Variants in IFT81 observed in about 807,000 individuals in gnomAD.
IFT81 encodes the protein intraflagellar transport protein 81 homolog.
A neutral mutation model predicts 102.6 loss-of-function variants in IFT81; 72 were observed. That is an observed-to-expected ratio of 0.70 (90% CI 0.58 to 0.85). The LOEUF (loss-of-function observed/expected upper bound fraction) is 0.85. Ranked by LOEUF, IFT81 falls within the 40% of genes least tolerant of loss-of-function variation. The probability of loss-of-function intolerance (pLI) is 0.00; values close to 1 mark genes in which losing one functional copy is unlikely to be tolerated. For missense variants in IFT81, 723 were observed against 787.3 expected (o/e 0.92, Z 0.98); for synonymous variants, 237 against 242.7 (o/e 0.98, Z 0.22).
intron 10 of IFT81, among the ~76,000 whole-genome samples, chr12:110,153,019 A>G (rs1593305606): frequency 1.3e-5 from 2 of 152,226 alleles, no homozygotes; most frequent in African/African-American, 2.4e-5. Context: ...ATGAAGTCCA[A>G]TTTGTCTAAT....
chr12:110,149,284 A>C (rs1895389402), intron 10 of IFT81, among the ~76,000 whole-genome samples: 1 of 152,198 alleles, frequency 6.6e-6, no homozygotes, highest in Non-Finnish European at 1.5e-5. Context: ...GGCATGTGAC[A>C]GGGGGAGTGG....
At chr12:110,196,584 A>G (rs1000288684) in intron 14 of IFT81, among the ~76,000 whole-genome samples, 2 of 152,170 alleles carry the variant, frequency 1.3e-5, no homozygotes, top group African/African-American at 4.8e-5. Flanking sequence ...GGGTAATAGC[A>G]CATGCTTATA....
chr12:110,175,834 A>G (rs891817927), intron 11 of IFT81, among the ~76,000 whole-genome samples: 1 of 151,790 alleles, frequency 6.6e-6, no homozygotes, highest in Admixed American at 6.6e-5. Flanking sequence ...ATTTATTTTT[A>G]GACAGAGTCT....
intron 10 of IFT81, among the ~76,000 whole-genome samples, chr12:110,154,523 C>T (rs987970391): frequency 2.0e-5 from 3 of 148,678 alleles, no homozygotes; most frequent in Admixed American, 6.8e-5. Flanking sequence ...CCCAGCTACT[C>T]GGGAGGCTGA....
chr12:110,192,519 C>G, intron 13 of IFT81, 98 bp from the exon 14 acceptor site: 1 of 638,732 alleles, frequency 1.6e-6, no homozygotes, highest in Admixed American at 3.0e-5. Flanking sequence ...CAGTTTTTTG[C>G]TCTTACATTT....
chr12:110,203,875 G>A lies in IFT81; in HGVS notation c.1569G>A (p.Gln523=). 1 of 1,612,102 alleles carries A rather than the reference G, an allele frequency of 6.2e-7. No homozygotes were observed. Among genetic ancestry groups the A allele is most frequent in the Non-Finnish European group, 8.5e-7 (1 of 1,178,200 alleles). The change falls in exon 15 of 19, where the codon CAG becomes CAA. Residue 523 remains glutamine, a synonymous_variant. Transcript: ENST00000242591. ...CCTTTTTATACTAGGAACTGACCCAGGAGTGTGATGAAAAGAAATCCCAGT... is the reference window on the plus strand; with the variant it reads ...CCTTTTTATACTAGGAACTGACCCAAGAGTGTGATGAAAAGAAATCCCAGT... The part of the protein sequence containing the change: ...QLRQKYQELT[Q]ECDEKKSQYD...
At chr12:110,132,694 G>A (rs371073828) in intron 5 of IFT81, 58 bp downstream of exon 5, 16 of 886,482 alleles carry the variant, frequency 1.8e-5, no homozygotes, top group South Asian at 2.9e-5. Flanking sequence ...ATTGGATTTA[G>A]CATTTTATTA....
At chr12:110,183,826 T>C (rs2137527007) in intron 12 of IFT81, among the ~76,000 whole-genome samples, 1 of 152,222 alleles carries the variant, frequency 6.6e-6, no homozygotes, top group South Asian at 2.1e-4. Context: ...CTCAAGTGGG[T>C]CTATCCAGAT....
intron 10 of IFT81, among the ~76,000 whole-genome samples, chr12:110,155,471 C>T (rs950615846): frequency 6.6e-6 from 1 of 152,010 alleles, no homozygotes; most frequent in African/African-American, 2.4e-5. Context: ...CCACCATGCC[C>T]AACTAATTTT....
intron 13 of IFT81, 70 bp from the exon 14 acceptor site, chr12:110,192,547 C>G (rs989634610): frequency 2.5e-6 from 2 of 789,908 alleles, no homozygotes; most frequent in African/African-American, 3.5e-5. Flanking sequence ...AAATTAATAT[C>G]TTTATGCATG....
At chr12:110,181,042 C>T (rs1442050161) in intron 12 of IFT81, among the ~76,000 whole-genome samples, 1 of 152,106 alleles carries the variant, frequency 6.6e-6, no homozygotes, top group Non-Finnish European at 1.5e-5. Flanking sequence ...AGTAGTCCCA[C>T]AGCAAAGTTG....
chr12:110,207,720 G>A (rs1008180946), intron 17 of IFT81, among the ~76,000 whole-genome samples: 20 of 151,612 alleles, frequency 1.3e-4, no homozygotes, highest in Admixed American at 2.6e-4. Flanking sequence ...CCGCCACCAC[G>A]CCTGGCTAAA....
chr12:110,142,495 G>A (rs1894952625), intron 8 of IFT81, among the ~76,000 whole-genome samples: 1 of 152,004 alleles, frequency 6.6e-6, no homozygotes, highest in African/African-American at 2.4e-5. Context: ...TTTAACTTGT[G>A]GTGCTTTTAG....
intron 11 of IFT81, among the ~76,000 whole-genome samples, chr12:110,172,713 C>T (rs1896800883): frequency 6.6e-6 from 1 of 152,138 alleles, no homozygotes; most frequent in Admixed American, 6.5e-5. Context: ...GGCTGGAGTG[C>T]AGTGGCGTGA....
At chr12:110,152,281 A>T (rs921644834) in intron 10 of IFT81, among the ~76,000 whole-genome samples, 1 of 152,176 alleles carries the variant, frequency 6.6e-6, no homozygotes, top group African/African-American at 2.4e-5. Context: ...ACAGTGTACC[A>T]GAGTTCCCTT....
chr12:110,167,843 G>A, intron 11 of IFT81: 1 of 285,658 alleles, frequency 3.5e-6, no homozygotes, highest in South Asian at 3.0e-5. Flanking sequence ...TTTTATTTAG[G>A]TTTCTTTTTT....
At chr12:110,167,536 AT>A (rs1207524681) in intron 11 of IFT81, among the ~76,000 whole-genome samples, 1 of 152,130 alleles carries the variant, frequency 6.6e-6, no homozygotes, top group Non-Finnish European at 1.5e-5. Flanking sequence ...AGTAATGAAT[AT>A]TTTACTGTTT....
intron 10 of IFT81, among the ~76,000 whole-genome samples, chr12:110,154,508 G>A (rs1033061005): frequency 6.6e-6 from 1 of 151,102 alleles, no homozygotes; most frequent in African/African-American, 2.4e-5. Flanking sequence ...GTGCATGTCT[G>A]TAATCCCAGC....
intron 18 of IFT81, among the ~76,000 whole-genome samples, chr12:110,214,529 C>A (rs1185884162): frequency 6.6e-6 from 1 of 152,150 alleles, no homozygotes; most frequent in Non-Finnish European, 1.5e-5. Context: ...AGTTTCCCCC[C>A]TTCTATACCA....
Sources: allele counts gnomAD v4.1 joint callset (sites outside exome capture counted in the v4.1 genomes callset), GRCh38; gene constraint gnomAD v4.1.1; transcripts MANE v1.5; gene names NCBI Gene and HGNC (gene_info 2026-07-23, HGNC 2026-07-21).